PCDHA7: variants seen among roughly 807,000 people sequenced by gnomAD.
The protein encoded by PCDHA7 is protocadherin alpha 7.
In PCDHA7, 37 loss-of-function variants were observed where a neutral mutation model predicts 57.2. The observed-to-expected ratio is 0.65, with a 90% CI of 0.50 to 0.85. The LOEUF (loss-of-function observed/expected upper bound fraction) is 0.85. Ranked by LOEUF, PCDHA7 falls within the 40% of genes least tolerant of loss-of-function variation. PCDHA7 has a pLI of 0.00. For synonymous variants in PCDHA7, 553 were observed against 558.8 expected, an observed-to-expected ratio of 0.99 and a Z score of 0.15; for missense variants, 1,188 against 1,241.8, an observed-to-expected ratio of 0.96 and a Z score of 0.65.
intron 1 of PCDHA7, chr5:140,842,876 G>A (rs2150347081): frequency 6.3e-7 from 1 of 1,593,878 alleles, no homozygotes; most frequent in Non-Finnish European, 8.6e-7. Flanking sequence ...CAAGGTGTAC[G>A]CGCTGCAGCC....
intron 1 of PCDHA7, among the ~76,000 whole-genome samples, chr5:140,885,351 G>T (rs2060569192): frequency 1.3e-5 from 2 of 152,052 alleles, no homozygotes; most frequent in Admixed American, 6.5e-5. Context: ...TTTCCAAAAG[G>T]TACTGGTGAC....
chr5:140,836,394 G>T lies in PCDHA7; in HGVS notation c.2011G>T (p.Glu671Ter), dbSNP rs2150259652. ...AGCCACCGTGCTGGTGTCGCTGGTG[G>T]AAAGCGGCCAGGCACCAAAGGCGTC... is the stretch of plus-strand genomic sequence containing the variant. The part of the protein sequence containing the change: ...ATATVLVSLV[E>*]SGQAPKASSR... The change falls in exon 1 of 4, where the codon GAA (glutamate) becomes TAA (stop). Residue 671 changes from glutamate to a stop codon, truncating the protein, a stop_gained. Transcript: ENST00000525929. LOFTEE classifies it high-confidence loss of function. 1 of 1,613,796 alleles carries T rather than the reference G, an allele frequency of 6.2e-7. No homozygotes were observed. The highest frequency in any genetic ancestry group is 2.2e-5 in the East Asian group (1 of 44,870).
intron 1 of PCDHA7, among the ~76,000 whole-genome samples, chr5:140,921,856 G>A (rs2080440097): frequency 6.6e-6 from 1 of 151,824 alleles, no homozygotes; most frequent in Non-Finnish European, 1.5e-5. Flanking sequence ...AGATGTGTGT[G>A]TATATATACA....
intron 1 of PCDHA7, among the ~76,000 whole-genome samples, chr5:140,871,917 C>T (rs1156778814): frequency 2.0e-5 from 3 of 152,178 alleles, no homozygotes; most frequent in Admixed American, 2.0e-4. Context: ...CTTGATATTT[C>T]CACATTGTTA....
intron 1 of PCDHA7, among the ~76,000 whole-genome samples, chr5:140,931,879 T>A (rs1335268218): frequency 3.3e-5 from 5 of 151,966 alleles, no homozygotes; most frequent in Non-Finnish European, 7.4e-5. Flanking sequence ...TATTTATTGC[T>A]TTCATTTTAT....
At chr5:140,968,044 A>G (rs959631573) in intron 1 of PCDHA7, 2 of 1,614,024 alleles carry the variant, frequency 1.2e-6, no homozygotes, top group Non-Finnish European at 1.7e-6. Context: ...TGAGCGGCCC[A>G]CTGGACCGAG....
At chr5:141,006,382 T>A (rs2098271166) in intron 3 of PCDHA7, among the ~76,000 whole-genome samples, 1 of 151,910 alleles carries the variant, frequency 6.6e-6, no homozygotes, top group African/African-American at 2.4e-5. Context: ...CGGCTAAGTT[T>A]TTTCTATTTT....
chr5:140,918,632 C>A (rs1182828125), intron 1 of PCDHA7, among the ~76,000 whole-genome samples: 1 of 152,164 alleles, frequency 6.6e-6, no homozygotes, highest in Non-Finnish European at 1.5e-5. Flanking sequence ...TCCCCAAATT[C>A]ATAAATTGAA....
At chr5:140,863,421 CGTA>C in intron 1 of PCDHA7, 3 of 689,676 alleles carry the variant, frequency 4.3e-6, no homozygotes, top group Non-Finnish European at 7.6e-6. Flanking sequence ...TGTACCGCAG[CGTA>C]GTGGGATCTG....
intron 1 of PCDHA7, chr5:140,968,878 T>A (rs1554231201): frequency 6.2e-7 from 1 of 1,614,244 alleles, no homozygotes; most frequent in South Asian, 1.1e-5. Flanking sequence ...ACTCTGAAAT[T>A]ACCCTTTATC....
chr5:140,997,921 G>T lies in PCDHA7; in HGVS notation c.2504-11706G>T, dbSNP rs553205382. On this transcript the variant is annotated intron_variant, in intron 3 of 3. Coordinates refer to ENST00000525929, the MANE Select transcript of PCDHA7 (RefSeq NM_018910.3). ...CAAGAAGTAGAATTACAGAATCATA[G>T]GATATAAAAATATCAAATTGGCAAA... is the stretch of plus-strand genomic sequence containing the variant. Among the ~76,000 whole-genome samples the T allele has an allele frequency of 1.1e-4, 16 of 152,200 alleles. No homozygotes were observed. The South Asian group carries it at 3.3e-3, about 32-fold the overall frequency.
rs2150425663 is a variant in PCDHA7, at chr5:140,848,940, G to A, written c.2355+12202G>A. On this transcript the variant is annotated intron_variant, in intron 1 of 3. Coordinates refer to ENST00000525929, the MANE Select transcript of PCDHA7 (RefSeq NM_018910.3). The stretch of plus-strand genomic sequence containing the variant: ...GTTCATCGCGGAATCCAGGCCGCTT[G>A]ACTCTCGGTTTCCACTAGAGGGCGC... 7.5e-6 allele frequency: 12 copies of A among 1,607,456 alleles called. No individual in the cohort carries two copies. In the South Asian group the frequency reaches 1.2e-4, roughly 16 times the overall value.
chr5:140,939,894 T>G (rs1554213013), intron 1 of PCDHA7, among the ~76,000 whole-genome samples: 2 of 152,220 alleles, frequency 1.3e-5, no homozygotes, highest in Non-Finnish European at 2.9e-5. Context: ...TGTTCAAATA[T>G]TCTGCATTCT....
At position 140,947,211 on chromosome 5, in the gene PCDHA7, T is replaced by A. The variant is rs562676640; in HGVS notation, c.2356-31738T>A. Among the ~76,000 whole-genome samples, 51 of 151,298 alleles carry A rather than the reference T, an allele frequency of 3.4e-4. 1 individual carries two copies. In the South Asian group the frequency reaches 0.011, roughly 32 times the overall value. On this transcript the variant is annotated intron_variant, in intron 1 of 3. Transcript: ENST00000525929. ...ACTACACAGCCTTAAAAAAAGAAAA[T>A]CCTGTCATTTATGACAGGAAAAAAA...
Position 140,836,239 on chromosome 5 carries a change from G to A in PCDHA7, c.1856G>A (p.Ser619Asn). The change falls in exon 1 of 4, where the codon AGC (serine) becomes AAC (asparagine). Residue 619 changes from serine (S) to asparagine (N), a missense_variant. Physicochemically the swap from Ser to Asn is conservative, Grantham distance 46. This residue lies in a region of PCDHA7 where 892 missense variants were observed against 788.5 expected (regional missense o/e 1.13). Transcript: ENST00000525929. ...YELQPVAAGASIPFRVGLYTG... is the reference protein window; with the variant it reads ...YELQPVAAGANIPFRVGLYTG... The stretch of plus-strand genomic sequence containing the variant: ...TTGCAACCGGTGGCGGCCGGTGCGA[G>A]CATCCCGTTCCGCGTGGGGCTGTAC... 1 of 1,613,796 alleles carries A rather than the reference G, an allele frequency of 6.2e-7. No homozygotes were observed. The highest frequency in any genetic ancestry group is 8.5e-7 in the Non-Finnish European group (1 of 1,179,822).
At chr5:141,007,419 T>C (rs1554261276) in intron 3 of PCDHA7, among the ~76,000 whole-genome samples, 3 of 141,394 alleles carry the variant, frequency 2.1e-5, no homozygotes, top group African/African-American at 5.2e-5. Flanking sequence ...AAAAAAAAAA[T>C]TAGCCAGGCA....
chr5:140,944,838 A>C (rs996510272), intron 1 of PCDHA7, among the ~76,000 whole-genome samples: 13 of 152,212 alleles, frequency 8.5e-5, no homozygotes, highest in Non-Finnish European at 1.6e-4. Flanking sequence ...TTGTAAAATG[A>C]GATATTAGAA....
At chr5:140,867,473 GA>G (rs1319417026) in intron 1 of PCDHA7, 2 of 151,968 alleles carry the variant, frequency 1.3e-5, no homozygotes, top group Non-Finnish European at 2.9e-5. Flanking sequence ...ACAACATTGG[GA>G]AAAGAGTAAA....
At chr5:140,963,032 T>G (rs541613535) in intron 1 of PCDHA7, among the ~76,000 whole-genome samples, 2 of 152,172 alleles carry the variant, frequency 1.3e-5, no homozygotes, top group African/African-American at 2.4e-5. Flanking sequence ...CAATTAACAT[T>G]TATTGAGAGT....
Sources: allele counts gnomAD v4.1 joint callset (sites outside exome capture counted in the v4.1 genomes callset), GRCh38; gene constraint gnomAD v4.1.1; regional missense constraint gnomAD v4.1.1; transcripts MANE v1.5; gene names NCBI Gene and HGNC (gene_info 2026-07-23, HGNC 2026-07-21).